The following CEP162 variants were observed in gnomAD, a reference collection of about 807,000 sequenced individuals.
The protein encoded by CEP162 is centrosomal protein 162.
CEP162 carries 141 observed loss-of-function variants against 169.2 expected under a neutral mutation model. The ratio of observed to expected loss-of-function variants is 0.83; its 90% CI spans 0.73 to 0.96. The LOEUF is 0.96. CEP162 is among the 40% of genes least tolerant of loss of function. CEP162 has a pLI of 0.00. For missense variants in CEP162, 1,600 were observed against 1,587.2 expected, an observed-to-expected ratio of 1.01 and a Z score of -0.14; for synonymous variants, 540 against 526.4, an observed-to-expected ratio of 1.03 and a Z score of -0.35.
chr6:84,152,834 C>T lies in CEP162; in HGVS notation c.3340G>A (p.Asp1114Asn). ...TGATTTGATAGCATCATTCTTCTGT[C>T]TTTCTGAAGCCTCTCCACAGTTTTT... ...LSKTVERLQKDRRMMLSNQNS... is the reference protein window; with the variant it reads ...LSKTVERLQKNRRMMLSNQNS... Residue 1114 changes from aspartate to asparagine, a missense_variant, in exon 23 of 27, where the codon GAC (aspartate) becomes AAC (asparagine). Physicochemically the swap from Asp to Asn is conservative, Grantham distance 23. Transcript: ENST00000403245. The T allele has an allele frequency of 6.2e-7, 1 of 1,613,638 alleles. No homozygotes were observed. Among genetic ancestry groups the T allele is most frequent in the South Asian group, 1.1e-5 (1 of 91,074 alleles).
At chr6:84,131,542 C>A (rs1312367973) in intron 25 of CEP162, among the ~76,000 whole-genome samples, 3 of 152,148 alleles carry the variant, frequency 2.0e-5, no homozygotes, top group African/African-American at 7.2e-5. Flanking sequence ...GCATTGGGTG[C>A]ATATATATTT....
At chr6:84,173,875 G>C (rs964818441) in intron 16 of CEP162, among the ~76,000 whole-genome samples, 173 bp downstream of exon 16, 1 of 151,874 alleles carries the variant, frequency 6.6e-6, no homozygotes, top group African/African-American at 2.4e-5. Context: ...AGTAGAGATG[G>C]TGTTTCACCA....
chr6:84,166,966 G>A (rs1025925964), intron 18 of CEP162, among the ~76,000 whole-genome samples: 1 of 152,030 alleles, frequency 6.6e-6, no homozygotes, highest in African/African-American at 2.4e-5. Context: ...TAATTTTTAC[G>A]ATTATTTTAA....
At chr6:84,193,746 A>C (rs1490499101) in intron 10 of CEP162, 56 bp from the exon 11 acceptor site, 4 of 1,032,014 alleles carry the variant, frequency 3.9e-6, no homozygotes, top group Non-Finnish European at 5.7e-6. Flanking sequence ...TGCTTAATTT[A>C]CATGTGTAAT....
intron 17 of CEP162, among the ~76,000 whole-genome samples, chr6:84,171,036 A>C (rs2099529905): frequency 6.6e-6 from 1 of 152,178 alleles, no homozygotes; most frequent in Admixed American, 6.5e-5. Context: ...GGTACAATTT[A>C]TTCTCCAGAG....
intron 21 of CEP162, among the ~76,000 whole-genome samples, chr6:84,158,854 ATCT>A (rs2099524279): frequency 6.6e-6 from 1 of 151,880 alleles, no homozygotes; most frequent in African/African-American, 2.4e-5. Context: ...TTTTATTTGT[ATCT>A]TCTTTAATTT....
At position 84,153,070 on chromosome 6, in the gene CEP162, T is replaced by G; in HGVS notation, c.3104A>C (p.Lys1035Thr). ...TCTTACAGTGATCTGATGGGCTTCC[T>G]TGATGTCATCAAGTTCCTTCTCTAG... is the stretch of plus-strand genomic sequence containing the variant. The part of the protein sequence containing the change: ...KALEKELDDI[K>T]EAHQITVRNL... The change falls in exon 23 of 27, where the codon AAG (lysine) becomes ACG (threonine). Residue 1035 changes from lysine to threonine, a missense_variant. Physicochemically the swap from Lys to Thr is moderately conservative, Grantham distance 78 (BLOSUM62 -1). Transcript: ENST00000403245. 6.2e-7 allele frequency: 1 copy of G among 1,613,482 alleles called. No individual in the cohort carries two copies. The highest frequency in any genetic ancestry group is 1.3e-5 in the African/African-American group (1 of 75,024).
chr6:84,152,950 T>C lies in CEP162; in HGVS notation c.3224A>G (p.Glu1075Gly), dbSNP rs116472091. The C allele has an allele frequency of 3.1e-4, 501 of 1,613,752 alleles. 1 individual carries two copies. In the African/African-American group the frequency reaches 5.7e-3, roughly 18 times the overall value. ...DKDDEDFQSIEFQVEQAHAKA... is the reference protein window; with the variant it reads ...DKDDEDFQSIGFQVEQAHAKA... ...AGCATGAGCCTGTTCCACCTGGAAT[T>C]CTATAGACTGAAAATCTTCATCATC... is the stretch of plus-strand genomic sequence containing the variant. Residue 1075 changes from glutamate (E) to glycine (G), a missense_variant, in exon 23 of 27, where the codon GAA (glutamate) becomes GGA (glycine). Transcript: ENST00000403245.
chr6:84,222,801 C>T (rs920242338), intron 2 of CEP162, among the ~76,000 whole-genome samples: 3 of 152,212 alleles, frequency 2.0e-5, no homozygotes, highest in Non-Finnish European at 4.4e-5. Flanking sequence ...CAATCTTCCA[C>T]TTGCCAAACA....
chr6:84,169,092 G>A (rs1388808672), intron 18 of CEP162, among the ~76,000 whole-genome samples: 6 of 152,070 alleles, frequency 3.9e-5, no homozygotes, highest in Non-Finnish European at 8.8e-5. Context: ...CTGATGAGAG[G>A]CTGAATCATA....
At chr6:84,213,907 C>T (rs746805437) in intron 5 of CEP162, among the ~76,000 whole-genome samples, 6 of 152,198 alleles carry the variant, frequency 3.9e-5, no homozygotes, top group Non-Finnish European at 5.9e-5. Context: ...GTACAAGATG[C>T]TGATCATTTT....
chr6:84,189,984 T>C (rs140383761), intron 11 of CEP162, among the ~76,000 whole-genome samples: 2,047 of 152,032 alleles, frequency 0.013, 24 homozygotes, highest in Non-Finnish European at 0.02. Flanking sequence ...AGTCTTTATA[T>C]CTAGCCCAGG....
Position 84,152,874 on chromosome 6 carries a change from TTCTC to T in CEP162, c.3296_3299del (p.Arg1099LysfsTer18). 1.2e-6 allele frequency: 2 copies of T among 1,613,734 alleles called. No homozygotes were observed. The highest frequency in any genetic ancestry group is 1.7e-6 in the Non-Finnish European group (2 of 1,179,792). On this transcript the variant is annotated frameshift_variant, in exon 23 of 27. Transcript: ENST00000403245. LOFTEE classifies it high-confidence loss of function. ...CCACAGTTTTTGAGAGGTCTTGTAT[TTCTC>T]TCTTTTTTGCAGCCAGTTCTTCATT...
chr6:84,192,033 T>C (rs929710049), intron 11 of CEP162, among the ~76,000 whole-genome samples: 5 of 152,170 alleles, frequency 3.3e-5, no homozygotes, highest in African/African-American at 1.2e-4. Flanking sequence ...CTTAAAACTA[T>C]GTGTTGATGA....
At chr6:84,160,455 G>A (rs1191307545) in intron 21 of CEP162, among the ~76,000 whole-genome samples, 1 of 151,980 alleles carries the variant, frequency 6.6e-6, no homozygotes, top group Non-Finnish European at 1.5e-5. Flanking sequence ...CCCAACTCAG[G>A]GATCTCCCTC....
At chr6:84,153,362 CAT>C (rs2099521866) in intron 22 of CEP162, among the ~76,000 whole-genome samples, 183 bp from the exon 23 acceptor site, 1 of 152,150 alleles carries the variant, frequency 6.6e-6, no homozygotes. Flanking sequence ...CAGGGCATAA[CAT>C]TATATATTCT....
chr6:84,223,908 GA>G (rs796116679), intron 2 of CEP162, among the ~76,000 whole-genome samples: 53 of 132,682 alleles, frequency 4.0e-4, no homozygotes, highest in Admixed American at 3.8e-4. Flanking sequence ...TCAGTCTCAA[GA>G]AAAAAAAAAA....
In CEP162 at chr6:84,131,665, C is replaced by CT. The variant is rs368082200; in HGVS notation, c.3871-5154dup. ...TCAGAGACTAGGATTGCAACCGCTG[C>CT]TTTTTTTTTGTTTTGTTTTCCATTT... On this transcript the variant is annotated intron_variant, in intron 25 of 26. Transcript: ENST00000403245. Among the ~76,000 whole-genome samples, 33 of 149,860 alleles carry CT rather than the reference C, an allele frequency of 2.2e-4. 1 individual carries two copies. Among genetic ancestry groups the CT allele is most frequent in the South Asian group, 1.7e-3 (8 of 4,670 alleles).
chr6:84,217,535 C>T (rs927039875), intron 3 of CEP162, among the ~76,000 whole-genome samples: 6 of 152,078 alleles, frequency 3.9e-5, no homozygotes, highest in Admixed American at 6.6e-5. Context: ...TGTAGTGATA[C>T]GGGCATAAGC....
Sources: gnomAD v4.1 joint callset for allele counts (sites outside exome capture counted in the v4.1 genomes callset) on GRCh38, gnomAD v4.1.1 for gene constraint, MANE v1.5 for transcripts, NCBI Gene and HGNC (gene_info 2026-07-23, HGNC 2026-07-21) for gene names.